Variants in KIFAP3 observed in about 807,000 individuals in gnomAD.
The protein encoded by KIFAP3 is kinesin associated protein 3.
Under a neutral mutation model 106.5 loss-of-function variants are expected in KIFAP3, and 68 were observed. The ratio of observed to expected loss-of-function variants is 0.64; its 90% confidence interval spans 0.53 to 0.78. The LOEUF (loss-of-function observed/expected upper bound fraction) is 0.78, where lower values mean the gene tolerates loss of function less well. Among genes scored for constraint, KIFAP3 ranks in the 30% least tolerant of loss-of-function variants. The pLI is 0.00. For missense variants in KIFAP3, 780 were observed against 941.8 expected (o/e 0.83, Z 2.25); for synonymous variants, 320 against 311.5 (o/e 1.03, Z -0.29).
At chr1:169,989,030 T>C (rs947511374) in intron 11 of KIFAP3, among the ~76,000 whole-genome samples, 1 of 152,030 alleles carries the variant, frequency 6.6e-6, no homozygotes, top group African/African-American at 2.4e-5. Context: ...AAAATACAGA[T>C]TACACATGTT....
At chr1:170,006,923 C>A (rs1002561048) in intron 10 of KIFAP3, among the ~76,000 whole-genome samples, 5 of 151,978 alleles carry the variant, frequency 3.3e-5, no homozygotes, top group Non-Finnish European at 7.4e-5. Context: ...TAGATAAAGT[C>A]CAAGGACTAA....
intron 18 of KIFAP3, among the ~76,000 whole-genome samples, chr1:169,954,403 G>A (rs1289268575): frequency 6.6e-6 from 1 of 152,114 alleles, no homozygotes; most frequent in Non-Finnish European, 1.5e-5. Flanking sequence ...GTCTCGTATG[G>A]AGAAGAAAGA....
intron 1 of KIFAP3, 59 bp downstream of exon 1, chr1:170,074,377 C>T (rs1477067387): frequency 1.3e-6 from 2 of 1,597,842 alleles, no homozygotes; most frequent in South Asian, 2.2e-5. Flanking sequence ...ACAGCCAACC[C>T]AAGAACATCT....
chr1:170,016,640 A>G lies in KIFAP3; in HGVS notation c.1021-16T>C, dbSNP rs148139483. ...CCATTTCCACCTAAGTAAAATAATA[A>G]TACAAATACAGTGAAGTTCTGTTGC... On this transcript the variant is annotated splice_polypyrimidine_tract_variant and intron_variant, in intron 9 of 19. Transcript: ENST00000361580. 2.0e-6 allele frequency: 3 copies of G among 1,510,212 alleles called. No individual in the cohort carries two copies. In the African/African-American group the frequency reaches 4.3e-5, roughly 22 times the overall value. 93.6% of individuals were successfully genotyped at this position (1,510,212 alleles called of 1,614,324 possible). A position where few individuals can be genotyped will look rare whatever the true frequency, so the allele number is the denominator to read the frequency against.
chr1:169,931,552 G>A (rs1314637719), intron 19 of KIFAP3, among the ~76,000 whole-genome samples: 1 of 152,102 alleles, frequency 6.6e-6, no homozygotes, highest in African/African-American at 2.4e-5. Context: ...AGGACTTCTT[G>A]AAATTGGCAG....
Position 169,928,699 on chromosome 1 carries a change from C to CAAAAAAAAAAA in KIFAP3, c.2274-6929_2274-6919dup, listed in dbSNP as rs10690029. On this transcript the variant is annotated intron_variant, in intron 19 of 19. Transcript: ENST00000361580. ...AACAGAGTGAGTGAGACCCTGTCTC[C>CAAAAAAAAAAA]AAAAAAAAAAAAAAAAAAAAAATTA... Among the ~76,000 whole-genome samples the CAAAAAAAAAAA allele has an allele frequency of 6.1e-3, 231 of 37,732 alleles. 19 individuals carry two copies. The highest frequency in any genetic ancestry group is 0.056 in the Middle Eastern group (2 of 36). The allele number at this position is 37,732 out of a possible 152,430, so 24.8% of individuals were successfully genotyped here. A position where few individuals can be genotyped will look rare whatever the true frequency, so the allele number is the denominator to read the frequency against.
chr1:169,959,204 T>C (rs1317059621), intron 18 of KIFAP3, among the ~76,000 whole-genome samples: 1 of 152,144 alleles, frequency 6.6e-6, no homozygotes, highest in Non-Finnish European at 1.5e-5. Context: ...TATCTGACGT[T>C]TTCTGATGCT....
At chr1:170,017,652 G>A (rs568107446) in intron 9 of KIFAP3, among the ~76,000 whole-genome samples, 15 of 152,274 alleles carry the variant, frequency 9.9e-5, no homozygotes, top group African/African-American at 3.6e-4. Flanking sequence ...TATTACACAG[G>A]CAGTGAAGTG....
intron 3 of KIFAP3, among the ~76,000 whole-genome samples, chr1:170,045,594 G>C (rs546753695): frequency 1.3e-5 from 2 of 152,130 alleles, no homozygotes; most frequent in African/African-American, 4.8e-5. Flanking sequence ...TAAAAATTTT[G>C]TTTCAAAAGA....
intron 10 of KIFAP3, among the ~76,000 whole-genome samples, chr1:169,994,293 T>C (rs1667265386): frequency 6.6e-6 from 1 of 152,198 alleles, no homozygotes; most frequent in African/African-American, 2.4e-5. Context: ...TACCAGGTTA[T>C]GTTACAATAC....
At chr1:169,928,723 T>TAAAAAAAAAAAAAAAAAAAAAAAAA (rs1258694998) in intron 19 of KIFAP3, among the ~76,000 whole-genome samples, 54 of 65,352 alleles carry the variant, frequency 8.3e-4, no homozygotes, top group South Asian at 2.0e-3. Context: ...AAAAAAAAAT[T>TAAAAAAAAAAAAAAAAAAAAAAAAA]AAAGTTATAC....
At chr1:170,035,256 T>A (rs1669626241) in intron 6 of KIFAP3, among the ~76,000 whole-genome samples, 198 bp downstream of exon 6, 1 of 151,768 alleles carries the variant, frequency 6.6e-6, no homozygotes, top group African/African-American at 2.4e-5. Flanking sequence ...GAGGCATGAG[T>A]GGGTATAGAC....
At chr1:169,965,152 T>C (rs1480428424) in intron 17 of KIFAP3, among the ~76,000 whole-genome samples, 1 of 152,104 alleles carries the variant, frequency 6.6e-6, no homozygotes, top group Non-Finnish European at 1.5e-5. Flanking sequence ...CTAGAAATCC[T>C]AGCAAGTCCA....
At chr1:169,968,731 C>T (rs1035284484) in intron 17 of KIFAP3, among the ~76,000 whole-genome samples, 1 of 150,902 alleles carries the variant, frequency 6.6e-6, no homozygotes, top group Non-Finnish European at 1.5e-5. Context: ...GTCTTGACCA[C>T]AAAGTAAAAG....
At chr1:170,007,112 A>G (rs560630355) in intron 10 of KIFAP3, among the ~76,000 whole-genome samples, 3 of 152,308 alleles carry the variant, frequency 2.0e-5, no homozygotes, top group Admixed American at 6.5e-5. Flanking sequence ...GTTGAGTAAT[A>G]TGAGTACTAG....
At chr1:170,037,567 T>C (rs1571709549) in intron 5 of KIFAP3, among the ~76,000 whole-genome samples, 2 of 137,586 alleles carry the variant, frequency 1.5e-5, no homozygotes, top group South Asian at 4.7e-4. Flanking sequence ...CTGTCTCTAC[T>C]AAAAAAAAAA....
At chr1:169,944,932 G>A (rs1201547950) in intron 19 of KIFAP3, among the ~76,000 whole-genome samples, 2 of 152,116 alleles carry the variant, frequency 1.3e-5, no homozygotes, top group African/African-American at 2.4e-5. Context: ...ACCTGGAACC[G>A]GCAGCCTGGT....
intron 12 of KIFAP3, among the ~76,000 whole-genome samples, chr1:169,984,115 AT>A (rs547566237): frequency 1.7e-3 from 255 of 151,914 alleles, no homozygotes; most frequent in African/African-American, 5.9e-3. Flanking sequence ...GGAAATAAAG[AT>A]TTAAATCTTT....
intron 1 of KIFAP3, among the ~76,000 whole-genome samples, chr1:170,083,703 C>T (rs1672055419): frequency 6.6e-6 from 1 of 152,100 alleles, no homozygotes; most frequent in South Asian, 2.1e-4. Context: ...TTATTAATTA[C>T]CACCTGCCAT....
Sources: gnomAD v4.1 joint callset for allele counts (sites outside exome capture counted in the v4.1 genomes callset) on GRCh38, gnomAD v4.1.1 for gene constraint, MANE v1.5 for transcripts, NCBI Gene and HGNC (gene_info 2026-07-23, HGNC 2026-07-21) for gene names.